ATRNL1: variants seen among roughly 807,000 people sequenced by gnomAD.
The protein encoded by ATRNL1 is attractin like 1.
Under a neutral mutation model 182.7 loss-of-function variants are expected in ATRNL1, and 95 were observed. The ratio of observed to expected loss-of-function variants is 0.52; its 90% confidence interval spans 0.44 to 0.62. The LOEUF is 0.62. Ranked by LOEUF, ATRNL1 falls within the 20% of genes least tolerant of loss-of-function variation. ATRNL1 has a pLI of 0.00. For missense variants in ATRNL1, 1,471 were observed against 1,679.5 expected (o/e 0.88, Z 2.17); for synonymous variants, 576 against 568.3 (o/e 1.01, Z -0.19).
At chr10:115,737,350 T>G (rs1947985298) in intron 27 of ATRNL1, among the ~76,000 whole-genome samples, 1 of 149,946 alleles carries the variant, frequency 6.7e-6, no homozygotes, top group Non-Finnish European at 1.5e-5. Context: ...GTGGGAGAAG[T>G]GCATGAGCCC....
chr10:115,911,053 G>A (rs1400091915), intron 28 of ATRNL1, among the ~76,000 whole-genome samples: 3 of 152,052 alleles, frequency 2.0e-5, no homozygotes, highest in African/African-American at 7.2e-5. Context: ...CGCCCAGGCT[G>A]GAGTGCAATA....
At chr10:115,653,537 C>G (rs1373493706) in intron 26 of ATRNL1, among the ~76,000 whole-genome samples, 1 of 152,142 alleles carries the variant, frequency 6.6e-6, no homozygotes, top group Non-Finnish European at 1.5e-5. Context: ...AAAACTGGCC[C>G]CTATTTTCAA....
intron 10 of ATRNL1, among the ~76,000 whole-genome samples, chr10:115,246,307 A>G (rs562483238): frequency 7.2e-5 from 11 of 152,278 alleles, no homozygotes; most frequent in South Asian, 2.1e-4. Context: ...TATTAACACT[A>G]TACACCGTGA....
chr10:115,825,840 A>G lies in ATRNL1; in HGVS notation c.3904-22037A>G, dbSNP rs1444780512. Among the ~76,000 whole-genome samples, 3 of 152,148 alleles carry G rather than the reference A, an allele frequency of 2.0e-5. No homozygotes were observed. The East Asian group carries it at 5.8e-4, about 29-fold the overall frequency. Reference sequence around the variant, plus strand: ...AGTTATTCAAGCTGTGCAAGCTTGTATAGCCTATGTATCGTTGCATTGTGA... The same window carrying G: ...AGTTATTCAAGCTGTGCAAGCTTGTGTAGCCTATGTATCGTTGCATTGTGA... On this transcript the variant is annotated intron_variant, in intron 27 of 28. Coordinates refer to ENST00000355044, the MANE Select transcript of ATRNL1 (RefSeq NM_207303.4).
intron 19 of ATRNL1, among the ~76,000 whole-genome samples, chr10:115,363,968 A>G (rs1216631226): frequency 1.9e-4 from 28 of 147,744 alleles, no homozygotes; most frequent in African/African-American, 4.6e-4. Context: ...CTCCAGCTTT[A>G]TTCTTTTGGC....
intron 1 of ATRNL1, among the ~76,000 whole-genome samples, chr10:115,101,826 TTTC>T (rs1318010987): frequency 1.3e-5 from 2 of 152,210 alleles, no homozygotes; most frequent in Admixed American, 1.3e-4. Context: ...GGCCTGAAGT[TTTC>T]TTTAACTCCA....
At chr10:115,184,683 T>A (rs1847875260) in intron 8 of ATRNL1, among the ~76,000 whole-genome samples, 1 of 151,778 alleles carries the variant, frequency 6.6e-6, no homozygotes, top group Non-Finnish European at 1.5e-5. Context: ...GAAACATTGA[T>A]TTTTAGAATC....
chr10:115,202,145 G>A (rs1426710223), intron 8 of ATRNL1, among the ~76,000 whole-genome samples: 1 of 152,078 alleles, frequency 6.6e-6, no homozygotes, highest in African/African-American at 2.4e-5. Context: ...AGGCAATGGG[G>A]TTTTCTAGAT....
At chr10:115,125,995 ACT>A (rs1388776579) in intron 3 of ATRNL1, among the ~76,000 whole-genome samples, 2 of 152,166 alleles carry the variant, frequency 1.3e-5, no homozygotes, top group Admixed American at 6.5e-5. Flanking sequence ...GGAAGTGGAA[ACT>A]CTCTTTTATT....
chr10:115,779,732 A>G (rs906844098), intron 27 of ATRNL1, among the ~76,000 whole-genome samples: 8 of 152,244 alleles, frequency 5.3e-5, no homozygotes, highest in Non-Finnish European at 1.2e-4. Flanking sequence ...ATTAGAACTT[A>G]GCTTTTACAG....
intron 28 of ATRNL1, among the ~76,000 whole-genome samples, chr10:115,913,408 A>AAGCCCAGTTTTGTCACATGCCAG (rs1304245370): frequency 6.6e-6 from 1 of 152,192 alleles, no homozygotes; most frequent in Non-Finnish European, 1.5e-5. Context: ...ACCTGATTCA[A>AAGCCCAGTTTTGTCACATGCCAG]AGCCCAGTTT....
chr10:115,925,303 A>G (rs1296377020), intron 28 of ATRNL1, among the ~76,000 whole-genome samples: 1 of 152,098 alleles, frequency 6.6e-6, no homozygotes. Context: ...GAATGGTGAG[A>G]GAGGGCAAAA....
chr10:115,754,611 C>T (rs1197034044), intron 27 of ATRNL1, among the ~76,000 whole-genome samples: 1 of 152,194 alleles, frequency 6.6e-6, no homozygotes, highest in African/African-American at 2.4e-5. Context: ...ATGATGCCTC[C>T]AGCTTTGTTC....
intron 8 of ATRNL1, among the ~76,000 whole-genome samples, chr10:115,182,920 T>TA (rs1326791114): frequency 2.0e-5 from 3 of 151,208 alleles, no homozygotes; most frequent in East Asian, 1.9e-4. Flanking sequence ...AGAAAATATC[T>TA]AAAAAAATCT....
chr10:115,732,904 T>C (rs1947842229), intron 27 of ATRNL1, among the ~76,000 whole-genome samples: 1 of 152,180 alleles, frequency 6.6e-6, no homozygotes, highest in African/African-American at 2.4e-5. Context: ...AAGGAAGAAC[T>C]TTCACTTGGA....
At chr10:115,361,252 G>A (rs547965420) in intron 19 of ATRNL1, among the ~76,000 whole-genome samples, 135 of 152,048 alleles carry the variant, frequency 8.9e-4, no homozygotes, top group Middle Eastern at 3.4e-3. Flanking sequence ...ACATTGATTA[G>A]TTGGCTTTCT....
At chr10:115,572,488 A>G (rs1328008) in intron 26 of ATRNL1, among the ~76,000 whole-genome samples, 75,743 of 151,898 alleles carry the variant, frequency 0.5, 19,681 homozygotes, top group African/African-American at 0.6. Context: ...TTCAAAAACT[A>G]GGTACATGGT....
chr10:115,480,387 G>C (rs1177668028), intron 24 of ATRNL1, among the ~76,000 whole-genome samples: 3 of 150,954 alleles, frequency 2.0e-5, no homozygotes, highest in Non-Finnish European at 4.5e-5. Context: ...TTCGTTATTT[G>C]TGGTTCTTGT....
In ATRNL1 at chr10:115,743,253, A is replaced by AAAAAC. The variant is rs1302894483; in HGVS notation, c.3903+15900_3903+15901insAACAA. 3.3e-5 allele frequency among the ~76,000 whole-genome samples: 5 copies of AAAAAC among 151,028 alleles called. No homozygotes were observed. The East Asian group carries it at 9.7e-4, about 29-fold the overall frequency. On this transcript the variant is annotated intron_variant, in intron 27 of 28. Transcript: ENST00000355044. ...TCTCTTATAGTAAAAAAAAAAAAAA[A>AAAAAC]AATACAACTCTTCTATATAATGTAC...
Sources: gnomAD v4.1 joint callset for allele counts (sites outside exome capture counted in the v4.1 genomes callset) on GRCh38, gnomAD v4.1.1 for gene constraint, MANE v1.5 for transcripts, NCBI Gene and HGNC (gene_info 2026-07-23, HGNC 2026-07-21) for gene names.